LPIN1: variants seen among roughly 807,000 people sequenced by gnomAD.
LPIN1 encodes lipin 1, also known as phosphatidate phosphatase LPIN1.
In LPIN1, 71 loss-of-function variants were observed where a neutral mutation model predicts 107.5. The ratio of observed to expected loss-of-function variants is 0.66; its 90% CI spans 0.55 to 0.80. LPIN1 has a LOEUF of 0.80. Ranked by LOEUF, LPIN1 falls within the 30% of genes least tolerant of loss-of-function variation. The probability of loss-of-function intolerance (pLI) is 0.00; values close to 1 mark genes in which losing one functional copy is unlikely to be tolerated. For missense variants in LPIN1, 1,043 were observed against 1,160.6 expected (o/e 0.90, Z 1.47); for synonymous variants, 445 against 452.6 (o/e 0.98, Z 0.21).
At chr2:11,820,645 A>G (rs1328034035) in intron 20 of LPIN1, 131 bp downstream of exon 20, 11 of 676,586 alleles carry the variant, frequency 1.6e-5, no homozygotes, top group Non-Finnish European at 2.4e-5. Context: ...TAATGAAAAA[A>G]TGTATTTTAA....
In LPIN1 at chr2:11,718,562, T is replaced by C. The variant is rs142083505; in HGVS notation, c.138+4750T>C. 4.3e-3 allele frequency among the ~76,000 whole-genome samples: 653 copies of C among 152,336 alleles called. 7 individuals are homozygous for C. Among genetic ancestry groups the C allele is most frequent in the African/African-American group, 0.015 (617 of 41,566 alleles). On this transcript the variant is annotated intron_variant, in intron 2 of 21. Coordinates refer to the LPIN1 transcript ENST00000449576. ...CATGTCTTAATCTCTAATTTGGCTT[T>C]ACATTTGAGTTGGGTTGAATTTAGA... is the stretch of plus-strand genomic sequence containing the variant.
At chr2:11,684,203 C>T (rs558822422) in intron 1 of LPIN1, among the ~76,000 whole-genome samples, 5 of 152,262 alleles carry the variant, frequency 3.3e-5, no homozygotes, top group Admixed American at 2.0e-4. Context: ...CTGCTTCTGA[C>T]GTAGTAAGCA....
intron 15 of LPIN1, among the ~76,000 whole-genome samples, chr2:11,804,032 T>C (rs1354908992): frequency 6.6e-6 from 1 of 152,230 alleles, no homozygotes; most frequent in African/African-American, 2.4e-5. Context: ...TGAATGATGA[T>C]CTTCCTATTT....
chr2:11,777,792 C>T (rs1672910251), intron 6 of LPIN1, among the ~76,000 whole-genome samples: 1 of 152,194 alleles, frequency 6.6e-6, no homozygotes, highest in South Asian at 2.1e-4. Flanking sequence ...TTTATTGCTG[C>T]AAAGAACTTA....
At chr2:11,682,327 AGTCGGTG>A (rs1558712367) in intron 1 of LPIN1, 3 of 152,618 alleles carry the variant, frequency 2.0e-5, no homozygotes, top group African/African-American at 7.2e-5. Flanking sequence ...GCACGAGCAA[AGTCGGTG>A]GTCACAAGGG....
Position 11,827,151 on chromosome 2 carries a change from G to T in LPIN1, c.*2360G>T, listed in dbSNP as rs1415105775. The T allele has an allele frequency of 6.6e-6, 1 of 152,664 alleles. No individual in the cohort carries two copies. Among genetic ancestry groups the T allele is most frequent in the Non-Finnish European group, 1.5e-5 (1 of 68,042 alleles). 9.5% of individuals were successfully genotyped at this position (152,664 alleles called of 1,614,324 possible). A position where few individuals can be genotyped will look rare whatever the true frequency, so the allele number is the denominator to read the frequency against. Reference sequence around the variant, plus strand: ...TCATCAAATGTTTGTCACATGTGATGAAGACAAATATGTATACCTGGCATA... The same window carrying T: ...TCATCAAATGTTTGTCACATGTGATTAAGACAAATATGTATACCTGGCATA... On this transcript the variant is annotated 3_prime_UTR_variant, in exon 21 of 21. Transcript: ENST00000674199. The surrounding 1 kb of genome is among the most constrained non-coding windows in gnomAD (Gnocchi z 4.1).
In LPIN1 at chr2:11,774,013, T is replaced by C. The variant is rs994943141; in HGVS notation, c.722+268T>C. On this transcript the variant is annotated intron_variant, in intron 5 of 20. Transcript: ENST00000674199. This position sits in a 1 kb window ranked among gnomAD's most constrained non-coding sequence, Gnocchi z 4.4. ...AAGGAAAAACATGTAAATTACATCA[T>C]GCTAATTGTTAATAGGAGAAAACAC... Among the ~76,000 whole-genome samples, 5 of 152,210 alleles carry C rather than the reference T, an allele frequency of 3.3e-5. No individual in the cohort carries two copies. Among genetic ancestry groups the C allele is most frequent in the Admixed American group, 6.5e-5 (1 of 15,288 alleles).
chr2:11,780,121 C>G (rs1221148130), intron 7 of LPIN1, among the ~76,000 whole-genome samples: 1 of 152,164 alleles, frequency 6.6e-6, no homozygotes, highest in Admixed American at 6.5e-5. Context: ...CCTCAAGTGA[C>G]CCGCCTGCCT....
intron 1 of LPIN1, among the ~76,000 whole-genome samples, chr2:11,750,975 G>A (rs180838185): frequency 1.7e-3 from 259 of 152,296 alleles, no homozygotes; most frequent in African/African-American, 6.0e-3. Flanking sequence ...TGTGCCATTG[G>A]GTCTTTGAAG....
In LPIN1 at chr2:11,787,092, C is replaced by A. The variant is rs1337170137; in HGVS notation, c.1568C>A (p.Ala523Asp). Reference sequence around the variant, plus strand: ...GTCACAGATGCATTCCTGGAGCAAGCTGTGTCATATCAACAGTTTGTGGAC... The same window carrying A: ...GTCACAGATGCATTCCTGGAGCAAGATGTGTCATATCAACAGTTTGTGGAC... ...EITKDAFLEQ[A>D]VSYQQFVDNP... Residue 523 changes from alanine (A) to aspartate (D), a missense_variant, in exon 11 of 21, where the codon GCT (alanine) becomes GAT (aspartate). Transcript: ENST00000674199. 12 of 1,613,714 alleles carry A rather than the reference C, an allele frequency of 7.4e-6. No homozygotes were observed. Among genetic ancestry groups the A allele is most frequent in the Non-Finnish European group, 1.0e-5 (12 of 1,179,728 alleles).
rs150210611 is a variant in LPIN1, at chr2:11,768,594, T to G, written c.288+736T>G. Among the ~76,000 whole-genome samples, 431 of 152,322 alleles carry G rather than the reference T, an allele frequency of 2.8e-3. 2 individuals are homozygous for G. Among genetic ancestry groups the G allele is most frequent in the African/African-American group, 9.0e-3 (373 of 41,576 alleles). On this transcript the variant is annotated intron_variant, in intron 3 of 20. Coordinates refer to ENST00000674199, the MANE Select transcript of LPIN1 (RefSeq NM_001349206.2). ...ATTCCTTTTTATGGCCGAATAGTATTCCATTGTATCTATAGACCATGTCCA... is the reference window on the plus strand; with the variant it reads ...ATTCCTTTTTATGGCCGAATAGTATGCCATTGTATCTATAGACCATGTCCA...
chr2:11,774,943 C>T lies in LPIN1; in HGVS notation c.723-1143C>T, dbSNP rs1672423050. ...GCTCCATATGTAATTTTAAGATTTC[C>T]AGTAGCCCTATTTTTAAAAAGTAAA... On this transcript the variant is annotated intron_variant, in intron 5 of 20. Coordinates refer to ENST00000674199, the MANE Select transcript of LPIN1 (RefSeq NM_001349206.2). This position sits in a 1 kb window ranked among gnomAD's most constrained non-coding sequence, Gnocchi z 4.4. 6.7e-6 allele frequency among the ~76,000 whole-genome samples: 1 copy of T among 149,468 alleles called. No homozygotes were observed. Among genetic ancestry groups the T allele is most frequent in the South Asian group, 2.1e-4 (1 of 4,708 alleles).
chr2:11,725,721 G>A (rs1179987490), intron 1 of LPIN1, among the ~76,000 whole-genome samples: 3 of 152,186 alleles, frequency 2.0e-5, no homozygotes, highest in African/African-American at 7.2e-5. Flanking sequence ...GGGAAAAGGT[G>A]GCTGTCAGAG....
At chr2:11,804,973 C>G in intron 16 of LPIN1, 97 bp from the exon 17 acceptor site, 1 of 796,324 alleles carries the variant, frequency 1.3e-6, no homozygotes, top group South Asian at 1.5e-5. Flanking sequence ...AGTTGTGGGT[C>G]TTGTTTGTGT....
intron 12 of LPIN1, 59 bp downstream of exon 12, chr2:11,788,515 G>C: frequency 7.6e-7 from 1 of 1,317,920 alleles, no homozygotes; most frequent in Non-Finnish European, 1.1e-6. Flanking sequence ...GCTTAATCTG[G>C]GGTGGTTGGA....
intron 1 of LPIN1, among the ~76,000 whole-genome samples, chr2:11,691,083 G>GTTTTTTTTTTTTTTTTTTTTTT (rs373579741): frequency 8.3e-6 from 1 of 120,270 alleles, no homozygotes. Context: ...ATCTTGTTGT[G>GTTTTTTTTTTTTTTTTTTTTTT]GTTTTTTTTT....
intron 3 of LPIN1, among the ~76,000 whole-genome samples, chr2:11,769,516 A>G (rs960425144): frequency 3.3e-5 from 5 of 151,888 alleles, no homozygotes; most frequent in Non-Finnish European, 2.9e-5. Flanking sequence ...ATTTTCTCCC[A>G]TTGGGTGGGT....
chr2:11,726,947 T>C lies in LPIN1; in HGVS notation c.-72+2408T>C, dbSNP rs185823145. On this transcript the variant is annotated intron_variant, in intron 1 of 21. Transcript: ENST00000396097. ...TTTTCACGATTATGCATTATTGGGA[T>C]GAAGGCCACAAAGGAACGTGCCCTT... Among the ~76,000 whole-genome samples the C allele has an allele frequency of 4.5e-4, 69 of 152,352 alleles. 2 individuals are homozygous for C. The highest frequency in any genetic ancestry group is 3.5e-3 in the Admixed American group (54 of 15,306).
intron 1 of LPIN1, among the ~76,000 whole-genome samples, chr2:11,755,188 C>T (rs949561179): frequency 4.6e-5 from 7 of 152,008 alleles, no homozygotes; most frequent in Middle Eastern, 3.4e-3. Flanking sequence ...AGGATGGTCT[C>T]GATCTCCTGA....
Sources: allele counts gnomAD v4.1 joint callset (sites outside exome capture counted in the v4.1 genomes callset), GRCh38; gene constraint gnomAD v4.1.1; non-coding constraint Gnocchi (gnomAD v3.1); transcripts MANE v1.5; gene names NCBI Gene and HGNC (gene_info 2026-07-23, HGNC 2026-07-21).